Variants in ZNF474 observed in about 807,000 individuals in gnomAD.
ZNF474 encodes zinc finger protein 474, also known as 4933409D10Rik.
For synonymous variants in ZNF474, 192 were observed against 162.2 expected, an observed-to-expected ratio of 1.18 and a Z score of -1.39; for missense variants, 511 against 433.8, an observed-to-expected ratio of 1.18 and a Z score of -1.58.
chr5:122,137,089 C>T (rs554874738), intron 1 of ZNF474, among the ~76,000 whole-genome samples: 26 of 152,194 alleles, frequency 1.7e-4, no homozygotes, highest in Non-Finnish European at 3.7e-4. Flanking sequence ...CTGAACATAA[C>T]TATGATGGAT....
Position 122,152,496 on chromosome 5 carries a change from A to C in ZNF474, c.506A>C (p.Glu169Ala). The change falls in exon 2 of 2, where the codon GAA (glutamate) becomes GCA (alanine). Residue 169 changes from glutamate to alanine, a missense_variant. Coordinates refer to ENST00000296600, the MANE Select transcript of ZNF474 (RefSeq NM_207317.3). ...QSAQAQLLPC[E>A]SCGRTFLPDH... Reference sequence around the variant, plus strand: ...GCCCAGGCTCAGCTGCTGCCCTGTGAATCCTGTGGCCGCACATTCTTGCCA... The same window carrying C: ...GCCCAGGCTCAGCTGCTGCCCTGTGCATCCTGTGGCCGCACATTCTTGCCA... 1 of 1,614,180 alleles carries C rather than the reference A, an allele frequency of 6.2e-7. No individual in the cohort carries two copies. The highest frequency in any genetic ancestry group is 8.5e-7 in the Non-Finnish European group (1 of 1,180,024).
At chr5:122,148,252 C>T (rs532898952) in intron 1 of ZNF474, among the ~76,000 whole-genome samples, 77 of 152,312 alleles carry the variant, frequency 5.1e-4, no homozygotes, top group African/African-American at 1.8e-3. Flanking sequence ...ACCTCCGTTC[C>T]CAAAAATTTC....
rs909064116 is a variant in ZNF474 at position 122,129,577 on chromosome 5, G to A, written c.-319G>A. ...AAAAACTCACACCAGCTCCTGCAAG[G>A]AATGTGAATCTTGGAGCTCCCAGCT... On this transcript the variant is annotated 5_prime_UTR_variant, in exon 1 of 2. Coordinates refer to ENST00000296600, the MANE Select transcript of ZNF474 (RefSeq NM_207317.3). 1.3e-5 allele frequency: 2 copies of A among 152,160 alleles called. No homozygotes were observed. The highest frequency in any genetic ancestry group is 4.8e-5 in the African/African-American group (2 of 41,444). The allele number at this position is 152,160 out of a possible 1,614,324, so 9.4% of individuals were successfully genotyped here.
chr5:122,131,211 T>C (rs1755567133), intron 1 of ZNF474, among the ~76,000 whole-genome samples: 1 of 152,174 alleles, frequency 6.6e-6, no homozygotes, highest in African/African-American at 2.4e-5. Flanking sequence ...TGTGGGATTG[T>C]AATTTAATAC....
At chr5:122,133,647 C>A (rs902920581) in intron 1 of ZNF474, among the ~76,000 whole-genome samples, 29 of 152,290 alleles carry the variant, frequency 1.9e-4, no homozygotes, top group African/African-American at 6.7e-4. Flanking sequence ...GCACCCTCGA[C>A]CTCCTGGGCT....
chr5:122,139,627 T>C (rs1013145977), intron 1 of ZNF474, among the ~76,000 whole-genome samples: 3 of 152,182 alleles, frequency 2.0e-5, no homozygotes, highest in African/African-American at 7.2e-5. Context: ...GATCCTGGTA[T>C]TTGAAAAACT....
At chr5:122,151,462 C>T (rs2152607040) in intron 1 of ZNF474, among the ~76,000 whole-genome samples, 1 of 152,248 alleles carries the variant, frequency 6.6e-6, no homozygotes, top group Non-Finnish European at 1.5e-5. Context: ...ACCCTGGTCT[C>T]AGCCTCTATT....
rs142093200 is a variant in ZNF474, at chr5:122,152,820, C to T, written c.830C>T (p.Ala277Val). Reference protein sequence around the residue: ...QPLPNAQSSQAGPNQAQLVFC... With the variant: ...QPLPNAQSSQVGPNQAQLVFC... ...CTTCCGAATGCACAGTCCAGCCAAG[C>T]GGGACCAAATCAAGCTCAGCTTGTG... The change falls in exon 2 of 2, where the codon GCG becomes GTG. Residue 277 changes from alanine to valine, a missense_variant. Transcript: ENST00000296600. The T allele has an allele frequency of 2.8e-5, 46 of 1,614,134 alleles. No homozygotes were observed. The highest frequency in any genetic ancestry group is 1.4e-4 in the South Asian group (13 of 91,074).
rs373302755 is a variant in ZNF474 at position 122,152,046 on chromosome 5, A to C, written c.56A>C (p.His19Pro). The C allele has an allele frequency of 1.2e-5, 19 of 1,613,716 alleles. No individual in the cohort carries two copies. In the African/African-American group the frequency reaches 2.5e-4, roughly 22 times the overall value. Residue 19 changes from histidine (H) to proline (P), a missense_variant, in exon 2 of 2, where the codon CAT (histidine) becomes CCT (proline). Physicochemically the swap from His to Pro is moderately conservative, Grantham distance 77 (BLOSUM62 -2). Coordinates refer to ENST00000296600, the MANE Select transcript of ZNF474 (RefSeq NM_207317.3). ...ISNKLQQTFH[H>P]SKEPTFLINQ... The stretch of plus-strand genomic sequence containing the variant: ...AATAAGTTACAACAAACTTTTCACC[A>C]TTCTAAAGAACCCACTTTCCTTATC...
rs921032944 is a variant in ZNF474 at position 122,153,106 on chromosome 5, C to T, written c.*21C>T. On this transcript the variant is annotated 3_prime_UTR_variant, in exon 2 of 2. Transcript: ENST00000296600. ...TGTAGGGGAACAAGAGAAAACTATCCCCAGAATCAGCCACCTCAGCCCCTA... is the reference window on the plus strand; with the variant it reads ...TGTAGGGGAACAAGAGAAAACTATCTCCAGAATCAGCCACCTCAGCCCCTA... 5 of 1,584,378 alleles carry T rather than the reference C, an allele frequency of 3.2e-6. No homozygotes were observed. In the African/African-American group the frequency reaches 5.4e-5, roughly 17 times the overall value.
chr5:122,148,945 G>T (rs967619503), intron 1 of ZNF474, among the ~76,000 whole-genome samples: 1 of 151,994 alleles, frequency 6.6e-6, no homozygotes, highest in Admixed American at 6.6e-5. Context: ...GGCCAGGCTG[G>T]TCTCAAACTC....
chr5:122,152,869 C>T lies in ZNF474; in HGVS notation c.879C>T (p.Ile293=). ...TGTTCTGCCCACATTGTAGCCGAAT[C>T]TTTACCTCAGACCGCCTCCTGGTAC... ...QLVFCPHCSR[I]FTSDRLLVHQ... The change falls in exon 2 of 2, where the codon ATC becomes ATT. Residue 293 remains isoleucine, a synonymous_variant. Coordinates refer to ENST00000296600, the MANE Select transcript of ZNF474 (RefSeq NM_207317.3). 6.2e-7 allele frequency: 1 copy of T among 1,614,150 alleles called. No homozygotes were observed. Among genetic ancestry groups the T allele is most frequent in the East Asian group, 2.2e-5 (1 of 44,870 alleles).
intron 1 of ZNF474, among the ~76,000 whole-genome samples, chr5:122,133,171 T>G (rs1755618879): frequency 6.6e-6 from 1 of 152,244 alleles, no homozygotes. Context: ...TGAACTTAAT[T>G]TTTATTTGTT....
chr5:122,151,895 A>G lies in ZNF474; in HGVS notation c.-96A>G. 1 of 1,469,886 alleles carries G rather than the reference A, an allele frequency of 6.8e-7. No individual in the cohort carries two copies. Among genetic ancestry groups the G allele is most frequent in the Non-Finnish European group, 9.0e-7 (1 of 1,105,138 alleles). 91.1% of individuals were successfully genotyped at this position (1,469,886 alleles called of 1,614,324 possible). A position where few individuals can be genotyped will look rare whatever the true frequency, so the allele number is the denominator to read the frequency against. ...AGGTACTGGCAACGGTGTGAACCCC[A>G]GGACAACTAACCTCACTAACCTTCA... On this transcript the variant is annotated 5_prime_UTR_variant, in exon 2 of 2. Transcript: ENST00000296600.
At chr5:122,146,086 C>T (rs1239964762) in intron 1 of ZNF474, among the ~76,000 whole-genome samples, 1 of 152,178 alleles carries the variant, frequency 6.6e-6, no homozygotes, top group Non-Finnish European at 1.5e-5. Flanking sequence ...ACAGCAAGCA[C>T]ATGCACACAG....
intron 1 of ZNF474, among the ~76,000 whole-genome samples, chr5:122,134,059 G>A (rs1210812355): frequency 6.6e-6 from 1 of 152,188 alleles, no homozygotes; most frequent in African/African-American, 2.4e-5. Flanking sequence ...GAAGTAAGTT[G>A]TAAATGGTGA....
At chr5:122,134,498 T>C (rs1755652067) in intron 1 of ZNF474, among the ~76,000 whole-genome samples, 1 of 152,228 alleles carries the variant, frequency 6.6e-6, no homozygotes, top group Non-Finnish European at 1.5e-5. Context: ...AAATGGTAAA[T>C]AGTTAAGGGC....
chr5:122,153,123 C>T lies in ZNF474; in HGVS notation c.*38C>T. 1 of 1,562,648 alleles carries T rather than the reference C, an allele frequency of 6.4e-7. No individual in the cohort carries two copies. Among genetic ancestry groups the T allele is most frequent in the Non-Finnish European group, 8.6e-7 (1 of 1,157,182 alleles). ...AAACTATCCCCAGAATCAGCCACCTCAGCCCCTAGTATTTTTTCTATCAAT... is the reference window on the plus strand; with the variant it reads ...AAACTATCCCCAGAATCAGCCACCTTAGCCCCTAGTATTTTTTCTATCAAT... On this transcript the variant is annotated 3_prime_UTR_variant, in exon 2 of 2. Transcript: ENST00000296600.
intron 1 of ZNF474, among the ~76,000 whole-genome samples, chr5:122,141,161 T>TTTTA (rs1755834093): frequency 5.3e-5 from 2 of 37,980 alleles, no homozygotes; most frequent in African/African-American, 8.9e-5. Flanking sequence ...TTTTATTTTA[T>TTTTA]TTTATTTTAT....
Sources: allele counts gnomAD v4.1 joint callset (sites outside exome capture counted in the v4.1 genomes callset), GRCh38; gene constraint gnomAD v4.1.1; transcripts MANE v1.5; gene names NCBI Gene and HGNC (gene_info 2026-07-23, HGNC 2026-07-21).